Variants in NTN1 observed in about 807,000 individuals in gnomAD.
NTN1 encodes netrin 1, also known as netrin-1.
NTN1 carries 11 observed loss-of-function variants against 54.2 expected under a neutral mutation model. The ratio of observed to expected loss-of-function variants is 0.20; its 90% CI spans 0.13 to 0.34. The LOEUF is 0.34. Ranked by LOEUF, NTN1 falls within the 10% of genes least tolerant of loss-of-function variation. NTN1 has a pLI of 1.00. For synonymous variants in NTN1, 371 were observed against 382.0 expected, an observed-to-expected ratio of 0.97 and a Z score of 0.33; for missense variants, 740 against 893.1, an observed-to-expected ratio of 0.83 and a Z score of 2.18.
chr17:9,215,285 A>ACACACACACG (rs1555577280), intron 5 of NTN1, among the ~76,000 whole-genome samples: 1 of 151,336 alleles, frequency 6.6e-6, no homozygotes, highest in African/African-American at 2.4e-5. Context: ...ACACACACAC[A>ACACACACACG]CACATACACA....
chr17:9,090,566 G>C (rs2092106776), intron 2 of NTN1, among the ~76,000 whole-genome samples: 1 of 152,066 alleles, frequency 6.6e-6, no homozygotes, highest in Admixed American at 6.6e-5. Flanking sequence ...TCATTTAGGA[G>C]CAGAAAGAGG....
intron 2 of NTN1, among the ~76,000 whole-genome samples, chr17:9,112,644 T>G (rs2092195965): frequency 6.7e-6 from 1 of 149,414 alleles, no homozygotes; most frequent in Non-Finnish European, 1.5e-5. Context: ...GCTAACATGG[T>G]GAAACCCCGT....
intron 5 of NTN1, among the ~76,000 whole-genome samples, chr17:9,189,878 G>T (rs1174414662): frequency 1.3e-5 from 2 of 152,188 alleles, no homozygotes; most frequent in African/African-American, 4.8e-5. Flanking sequence ...CAGGGCCACA[G>T]GTGGTGAGCA....
chr17:9,044,457 A>G (rs1325805470), intron 2 of NTN1, among the ~76,000 whole-genome samples: 1 of 151,668 alleles, frequency 6.6e-6, no homozygotes, highest in Non-Finnish European at 1.5e-5. Context: ...CTGGTCTCGA[A>G]CTCCTGACCT....
chr17:9,206,085 T>C lies in NTN1; in HGVS notation c.1412-15083T>C, dbSNP rs558861202. 6.6e-5 allele frequency among the ~76,000 whole-genome samples: 10 copies of C among 152,172 alleles called. No homozygotes were observed. In the East Asian group the frequency reaches 1.2e-3, roughly 18 times the overall value. On this transcript the variant is annotated intron_variant, in intron 5 of 6. Transcript: ENST00000173229. ...ACTGGTGGCAGAGCAGGGTCTGGGG[T>C]GACTTCGCGGTAGAAGCAATTTCCT... is the stretch of plus-strand genomic sequence containing the variant.
At chr17:9,089,000 C>T (rs2092099327) in intron 2 of NTN1, among the ~76,000 whole-genome samples, 3 of 152,284 alleles carry the variant, frequency 2.0e-5, no homozygotes, top group Admixed American at 6.5e-5. Flanking sequence ...TGTCCGCCAT[C>T]GGAGTGCTGG....
Position 9,212,069 on chromosome 17 carries a change from G to A in NTN1, c.1412-9099G>A, listed in dbSNP as rs1028147224. 9.2e-5 allele frequency among the ~76,000 whole-genome samples: 14 copies of A among 152,200 alleles called. No individual in the cohort carries two copies. The highest frequency in any genetic ancestry group is 2.9e-4 in the African/African-American group (12 of 41,434). ...GCCCCCAAGGCCCAAAGTCAAATGA[G>A]CATTTTGCTTTTGAGGCAGGTAGGG... On this transcript the variant is annotated intron_variant, in intron 5 of 6. Coordinates refer to ENST00000173229, the MANE Select transcript of NTN1 (RefSeq NM_004822.3). This position sits in a 1 kb window ranked among gnomAD's most constrained non-coding sequence, Gnocchi z 5.5.
intron 5 of NTN1, among the ~76,000 whole-genome samples, chr17:9,187,232 G>C (rs903162619): frequency 6.6e-6 from 1 of 152,136 alleles, no homozygotes; most frequent in Non-Finnish European, 1.5e-5. Context: ...GAGGACAGGC[G>C]TGGAGAGTCA....
rs181924130 is a variant in NTN1 at position 9,222,463 on chromosome 17, G to T, written c.1486+1221G>T. 2.9e-3 allele frequency among the ~76,000 whole-genome samples: 447 copies of T among 152,352 alleles called. 3 individuals are homozygous for T. In the Middle Eastern group the frequency reaches 0.034, roughly 12 times the overall value. On this transcript the variant is annotated intron_variant, in intron 6 of 6. Transcript: ENST00000173229. ...AGTCCCATTGCTTACCTGAGCCTCAGTTTCCTTATATGTAAGATGGAGATG... is the reference window on the plus strand; with the variant it reads ...AGTCCCATTGCTTACCTGAGCCTCATTTTCCTTATATGTAAGATGGAGATG...
chr17:9,052,121 C>T lies in NTN1; in HGVS notation c.1018+28730C>T, dbSNP rs758185801. On this transcript the variant is annotated intron_variant, in intron 2 of 6. Transcript: ENST00000173229. ...TCAAGTTGCTGGGATTACAGGCACG[C>T]GCCACCATGCCTGGCTAATTTTGTA... is the stretch of plus-strand genomic sequence containing the variant. 5.9e-5 allele frequency among the ~76,000 whole-genome samples: 9 copies of T among 152,154 alleles called. No individual in the cohort carries two copies. In the South Asian group the frequency reaches 8.3e-4, roughly 14 times the overall value.
intron 2 of NTN1, among the ~76,000 whole-genome samples, chr17:9,117,004 CTGAATGAGGG>C (rs1199822218): frequency 3.3e-5 from 5 of 151,734 alleles, no homozygotes; most frequent in Non-Finnish European, 7.4e-5. Context: ...TTGTGGCTCC[CTGAATGAGGG>C]GGGTGGGAGA....
intron 6 of NTN1, among the ~76,000 whole-genome samples, chr17:9,224,486 C>G (rs995761210): frequency 2.0e-5 from 3 of 152,218 alleles, no homozygotes; most frequent in African/African-American, 7.2e-5. Flanking sequence ...ATCAGCAAAG[C>G]AGGTAGCAGG....
chr17:9,216,619 C>T (rs947904332), intron 5 of NTN1, among the ~76,000 whole-genome samples: 8 of 152,342 alleles, frequency 5.3e-5, no homozygotes, highest in Middle Eastern at 3.4e-3. Flanking sequence ...GCCAGGAAGG[C>T]GCACAGCTCT....
intron 2 of NTN1, among the ~76,000 whole-genome samples, chr17:9,161,381 C>G (rs925461312): frequency 6.6e-6 from 1 of 152,058 alleles, no homozygotes; most frequent in South Asian, 2.1e-4. Context: ...GCATAAAGAG[C>G]GAGAGGCTGA....
intron 2 of NTN1, among the ~76,000 whole-genome samples, chr17:9,102,972 T>C (rs761964564): frequency 3.2e-4 from 49 of 152,236 alleles, no homozygotes; most frequent in Non-Finnish European, 7.4e-5. Flanking sequence ...TGGAGGGTAG[T>C]GACTGTGGAG....
chr17:9,084,390 A>G (rs1030554846), intron 2 of NTN1, among the ~76,000 whole-genome samples: 1 of 152,200 alleles, frequency 6.6e-6, no homozygotes, highest in Non-Finnish European at 1.5e-5. Flanking sequence ...ATTGTGTGGG[A>G]GGGAAACCCA....
intron 2 of NTN1, among the ~76,000 whole-genome samples, chr17:9,150,587 T>A (rs1195451095): frequency 6.6e-6 from 1 of 152,220 alleles, no homozygotes; most frequent in Non-Finnish European, 1.5e-5. Flanking sequence ...TACCAAAGCC[T>A]GCTCGGCATT....
intron 2 of NTN1, among the ~76,000 whole-genome samples, chr17:9,084,034 G>A (rs990334537): frequency 4.6e-5 from 7 of 152,128 alleles, no homozygotes; most frequent in African/African-American, 1.7e-4. Flanking sequence ...ATCCACTTTT[G>A]GGTGTAGATC....
chr17:9,102,823 A>G (rs1388024338), intron 2 of NTN1, among the ~76,000 whole-genome samples: 1 of 152,250 alleles, frequency 6.6e-6, no homozygotes, highest in Non-Finnish European at 1.5e-5. Context: ...TACATGCAAC[A>G]AGTAGTCAAA....
Sources: allele counts gnomAD v4.1 joint callset (sites outside exome capture counted in the v4.1 genomes callset), GRCh38; gene constraint gnomAD v4.1.1; non-coding constraint Gnocchi (gnomAD v3.1); transcripts MANE v1.5; gene names NCBI Gene and HGNC (gene_info 2026-07-23, HGNC 2026-07-21).